Variants in CSMD3 observed in about 807,000 individuals in gnomAD.
CSMD3 encodes the protein CUB and Sushi multiple domains 3, also known as CUB and sushi domain-containing protein 3.
A neutral mutation model predicts 435.2 loss-of-function variants in CSMD3; 177 were observed. The observed-to-expected ratio is 0.41, with a 90% CI of 0.36 to 0.46. The LOEUF is 0.46. CSMD3 is among the 20% of genes least tolerant of loss of function. The pLI is 0.34. For missense variants in CSMD3, 4,265 were observed against 4,504.6 expected (o/e 0.95, Z 1.52); for synonymous variants, 1,656 against 1,520.5 (o/e 1.09, Z -2.07).
intron 32 of CSMD3, among the ~76,000 whole-genome samples, chr8:112,429,188 A>T (rs1435771137): frequency 6.6e-6 from 1 of 151,874 alleles, no homozygotes; most frequent in Non-Finnish European, 1.5e-5. Context: ...ACATCTCCCC[A>T]CCTTCCCACC....
At chr8:112,627,905 C>A (rs1483445977) in intron 22 of CSMD3, among the ~76,000 whole-genome samples, 1 of 152,128 alleles carries the variant, frequency 6.6e-6, no homozygotes, top group African/African-American at 2.4e-5. Context: ...AAGATCCAGC[C>A]TCCACCTTCA....
chr8:112,433,643 A>G (rs1395902032), intron 32 of CSMD3, among the ~76,000 whole-genome samples: 1 of 131,196 alleles, frequency 7.6e-6, no homozygotes, highest in Non-Finnish European at 1.6e-5. Context: ...AGCAACACTG[A>G]GAGAACCTGT....
chr8:113,298,386 T>G (rs2093738378), intron 2 of CSMD3, among the ~76,000 whole-genome samples: 1 of 152,138 alleles, frequency 6.6e-6, no homozygotes, highest in Non-Finnish European at 1.5e-5. Flanking sequence ...CATTAGCACT[T>G]CAACTGTAAA....
At chr8:112,760,139 T>A (rs1188153337) in intron 13 of CSMD3, among the ~76,000 whole-genome samples, 3 of 152,158 alleles carry the variant, frequency 2.0e-5, no homozygotes, top group Non-Finnish European at 4.4e-5. Context: ...TTGCTAAAAA[T>A]TTTCAGAATC....
At chr8:112,465,905 G>A (rs1006468523) in intron 32 of CSMD3, among the ~76,000 whole-genome samples, 1 of 151,426 alleles carries the variant, frequency 6.6e-6, no homozygotes, top group South Asian at 2.1e-4. Flanking sequence ...AACCCAGGAG[G>A]CGAAGGTTGC....
rs190786045 is a variant in CSMD3 at position 112,443,336 on chromosome 8, T to G, written c.5395+29255A>C. Among the ~76,000 whole-genome samples the G allele has an allele frequency of 4.2e-4, 64 of 152,308 alleles. 1 individual carries two copies. The East Asian group carries it at 9.1e-3, about 22-fold the overall frequency. ...TTATCTCATGGTTATTTGAGTATAA[T>G]TTGGCCAAAGTCCAAATAGGAAGAA... On this transcript the variant is annotated intron_variant, in intron 32 of 70. Coordinates refer to ENST00000297405, the MANE Select transcript of CSMD3 (RefSeq NM_198123.2).
At position 112,506,747 on chromosome 8, in the gene CSMD3, G is replaced by A; in HGVS notation, c.4839C>T (p.Asp1613=). The part of the protein sequence containing the change: ...NFPHPYPHSR[D]CDWTITVNAD... ...CATTGACGGTGATAGTCCAGTCACA[G>A]TCTCTGCTATGCGGATATGGATGAG... Residue 1613 remains aspartate, a synonymous_variant, in exon 29 of 71, where the codon GAC becomes GAT. Transcript: ENST00000297405. 1.2e-6 allele frequency: 2 copies of A among 1,613,632 alleles called. No individual in the cohort carries two copies. Among genetic ancestry groups the A allele is most frequent in the East Asian group, 2.2e-5 (1 of 44,852 alleles).
In CSMD3 at chr8:112,228,887, C is replaced by G. The variant is rs2129840635; in HGVS notation, c.10833G>C (p.Leu3611=). The change falls in exon 70 of 71, where the codon CTG becomes CTC. Residue 3611 remains leucine, a synonymous_variant. Coordinates refer to ENST00000297405, the MANE Select transcript of CSMD3 (RefSeq NM_198123.2). ...AAGAATTTGAACCTTCTGACATATT[C>G]AGTCCTACAAAATAAAAAATAAATT... is the stretch of plus-strand genomic sequence containing the variant. ...YGQFGLQRLG[L]NMSEGSNSSN... 6.7e-7 allele frequency: 1 copy of G among 1,488,582 alleles called. No individual in the cohort carries two copies. Among genetic ancestry groups the G allele is most frequent in the South Asian group, 1.1e-5 (1 of 87,844 alleles). The allele number at this position is 1,488,582 out of a possible 1,614,324, so 92.2% of individuals were successfully genotyped here.
At chr8:113,120,294 A>G (rs1339705429) in intron 4 of CSMD3, among the ~76,000 whole-genome samples, 1 of 152,110 alleles carries the variant, frequency 6.6e-6, no homozygotes, top group Non-Finnish European at 1.5e-5. Context: ...CATTTCATTA[A>G]CAACTGTAAT....
At chr8:112,699,316 G>A (rs1026763740) in intron 13 of CSMD3, among the ~76,000 whole-genome samples, 8 of 152,094 alleles carry the variant, frequency 5.3e-5, no homozygotes, top group Admixed American at 2.0e-4. Flanking sequence ...AACATCTGAA[G>A]GAACAAACTC....
chr8:113,228,886 A>G (rs1254687018), intron 3 of CSMD3, among the ~76,000 whole-genome samples: 1 of 151,588 alleles, frequency 6.6e-6, no homozygotes, highest in African/African-American at 2.4e-5. Context: ...GCCTCAAAGC[A>G]TTTTCTTCCT....
At chr8:112,482,393 T>C (rs1348652119) in intron 31 of CSMD3, among the ~76,000 whole-genome samples, 1 of 152,334 alleles carries the variant, frequency 6.6e-6, no homozygotes, top group African/African-American at 2.4e-5. Context: ...ATAATTTACA[T>C]ACATAAAATT....
At chr8:112,997,573 T>TA (rs1226184413) in intron 6 of CSMD3, among the ~76,000 whole-genome samples, 3 of 151,486 alleles carry the variant, frequency 2.0e-5, no homozygotes, top group Non-Finnish European at 4.4e-5. Flanking sequence ...TAAATAAAGG[T>TA]GAGAATTTGA....
intron 13 of CSMD3, among the ~76,000 whole-genome samples, chr8:112,697,097 G>A (rs933733118): frequency 9.2e-4 from 139 of 151,414 alleles, no homozygotes; most frequent in African/African-American, 3.3e-3. Flanking sequence ...GAGAGGATGT[G>A]GAGAAATAGG....
chr8:112,223,618 T>C lies in CSMD3; in HGVS notation c.*1153A>G, dbSNP rs1812333535. The C allele has an allele frequency of 6.6e-6, 1 of 152,204 alleles. No homozygotes were observed. Among genetic ancestry groups the C allele is most frequent in the Non-Finnish European group, 1.5e-5 (1 of 68,008 alleles). The allele number at this position is 152,204 out of a possible 1,614,324, so 9.4% of individuals were successfully genotyped here. A position where few individuals can be genotyped will look rare whatever the true frequency, so the allele number is the denominator to read the frequency against. The stretch of plus-strand genomic sequence containing the variant: ...CAATAAAGGTACAGAAATTTAAAAA[T>C]ATATAAAAATATGATAAGTCCACAA... On this transcript the variant is annotated 3_prime_UTR_variant, in exon 71 of 71. Coordinates refer to ENST00000297405, the MANE Select transcript of CSMD3 (RefSeq NM_198123.2).
chr8:113,323,557 C>T (rs1473309649), intron 1 of CSMD3, among the ~76,000 whole-genome samples: 5 of 152,100 alleles, frequency 3.3e-5, no homozygotes, highest in Non-Finnish European at 5.9e-5. Context: ...TCAAAATGAC[C>T]TCATTTGCAT....
intron 28 of CSMD3, among the ~76,000 whole-genome samples, chr8:112,511,042 A>G (rs1387158584): frequency 6.6e-6 from 1 of 152,190 alleles, no homozygotes; most frequent in Non-Finnish European, 1.5e-5. Flanking sequence ...ATGCGTATAC[A>G]GGCATACGTT....
At chr8:113,012,586 A>AT (rs1309142671) in intron 6 of CSMD3, among the ~76,000 whole-genome samples, 2 of 151,794 alleles carry the variant, frequency 1.3e-5, no homozygotes, top group Non-Finnish European at 2.9e-5. Context: ...ATAAATGGTA[A>AT]TTTTTTCGGC....
At chr8:112,782,651 C>T (rs1805071544) in intron 13 of CSMD3, among the ~76,000 whole-genome samples, 1 of 151,944 alleles carries the variant, frequency 6.6e-6, no homozygotes, top group Admixed American at 6.6e-5. Flanking sequence ...ATCTAATAAT[C>T]AAACTCCTAA....
Sources: allele counts gnomAD v4.1 joint callset (sites outside exome capture counted in the v4.1 genomes callset), GRCh38; gene constraint gnomAD v4.1.1; transcripts MANE v1.5; gene names NCBI Gene and HGNC (gene_info 2026-07-23, HGNC 2026-07-21).